The following HMCN2 variants were observed in gnomAD, a reference collection of about 807,000 sequenced individuals.
HMCN2 encodes the protein hemicentin-2.
A neutral mutation model predicts 377.5 loss-of-function variants in HMCN2; 325 were observed. The ratio of observed to expected loss-of-function variants is 0.86; its 90% CI spans 0.79 to 0.94. HMCN2 has a LOEUF of 0.94. HMCN2 is among the 40% of genes least tolerant of loss of function. The pLI is 0.00. For synonymous variants in HMCN2, 2,007 were observed against 2,046.8 expected, an observed-to-expected ratio of 0.98 and a Z score of 0.53; for missense variants, 4,543 against 4,725.3, an observed-to-expected ratio of 0.96 and a Z score of 1.13.
Position 130,391,487 on chromosome 9 carries a change from C to A in HMCN2, c.9865C>A (p.Leu3289Met). Residue 3289 changes from leucine (L) to methionine (M), a missense_variant, in exon 65 of 98, where the codon CTG becomes ATG. This residue lies in a region of HMCN2 where 1,073 missense variants were observed against 1,319.5 expected (regional missense o/e 0.81). Transcript: ENST00000683500. ...CGGCGGCTCCCTGGTGCTAAAAGGC[C>A]TGAGGGCCTCGGACGCGGGTGCCTA... Reference protein sequence around the residue: ...LDGGSLVLKGLRASDAGAYTC... With the variant: ...LDGGSLVLKGMRASDAGAYTC... 1 of 987,892 alleles carries A rather than the reference C, an allele frequency of 1.0e-6. No homozygotes were observed. Among genetic ancestry groups the A allele is most frequent in the Non-Finnish European group, 1.2e-6 (1 of 830,182 alleles). The allele number at this position is 987,892 out of a possible 1,614,324, so 61.2% of individuals were successfully genotyped here.
At chr9:130,406,328 G>A in intron 82 of HMCN2, 160 bp downstream of exon 82, 3 of 485,768 alleles carry the variant, frequency 6.2e-6, no homozygotes, top group Non-Finnish European at 1.1e-5. Flanking sequence ...GGGGGACAGG[G>A]CAAACCCAGC....
intron 16 of HMCN2, among the ~76,000 whole-genome samples, chr9:130,320,093 T>C (rs906807151): frequency 4.6e-5 from 7 of 152,190 alleles, no homozygotes; most frequent in African/African-American, 1.4e-4. Flanking sequence ...GGGCACTTTG[T>C]CAACCCTGCC....
At chr9:130,395,129 G>GGGGGCAGGGCCGGGAGGC (rs1842543519) in intron 70 of HMCN2, 21 bp downstream of exon 70, 1 of 1,260,552 alleles carries the variant, frequency 7.9e-7, no homozygotes, top group Non-Finnish European at 1.0e-6. Context: ...GGGGTGGGGT[G>GGGGGCAGGGCCGGGAGGC]GGGGCAGGGC....
intron 78 of HMCN2, 102 bp downstream of exon 78, chr9:130,402,998 C>T (rs1842927421): frequency 9.6e-7 from 1 of 1,045,296 alleles, no homozygotes; most frequent in Non-Finnish European, 1.3e-6. Flanking sequence ...CCCCGGGTCT[C>T]AGAGGCCCCG....
At chr9:130,332,738 C>T (rs1032353937) in intron 22 of HMCN2, among the ~76,000 whole-genome samples, 8 of 152,306 alleles carry the variant, frequency 5.3e-5, no homozygotes, top group South Asian at 2.1e-4. Flanking sequence ...GAAGAAGACG[C>T]GAGTTGGGGC....
At position 130,408,334 on chromosome 9, in the gene HMCN2, G is replaced by A. The variant is rs1017394421; in HGVS notation, c.12689-409G>A. The stretch of plus-strand genomic sequence containing the variant: ...CATAGCGTTGCTTTGTACAACAGAG[G>A]TGTCTAGGGTTCTTGTTTTTTTATA... On this transcript the variant is annotated intron_variant, in intron 83 of 97. Transcript: ENST00000683500. Among the ~76,000 whole-genome samples, 37 of 152,210 alleles carry A rather than the reference G, an allele frequency of 2.4e-4. 2 individuals are homozygous for A. Among genetic ancestry groups the A allele is most frequent in the African/African-American group, 8.4e-4 (35 of 41,448 alleles).
intron 15 of HMCN2, among the ~76,000 whole-genome samples, chr9:130,319,114 A>C (rs1837714989): frequency 6.6e-6 from 1 of 152,144 alleles, no homozygotes; most frequent in East Asian, 1.9e-4. Context: ...CAGGGGTAGA[A>C]ATGAAGGCTC....
At chr9:130,311,019 G>A (rs1837216965) in intron 15 of HMCN2, among the ~76,000 whole-genome samples, 3 of 152,166 alleles carry the variant, frequency 2.0e-5, no homozygotes, top group Non-Finnish European at 4.4e-5. Flanking sequence ...TTCCTTGGTG[G>A]CCAGTGCATG....
intron 83 of HMCN2, 84 bp downstream of exon 83, chr9:130,407,789 C>A: frequency 9.6e-7 from 1 of 1,036,608 alleles, no homozygotes; most frequent in Non-Finnish European, 1.2e-6. Context: ...AGAACCCAGC[C>A]TCCTGTCCTC....
rs1483638718 is a variant in HMCN2 at position 130,285,969 on chromosome 9, G to A, written c.490-219G>A. Among the ~76,000 whole-genome samples the A allele has an allele frequency of 5.9e-5, 9 of 152,264 alleles. No homozygotes were observed. The South Asian group carries it at 1.0e-3, about 18-fold the overall frequency. ...AATATGGAGCACCTACTGTTTTCCT[G>A]GCCCTGTGCTGAGCATTTGTCCTGC... On this transcript the variant is annotated intron_variant, in intron 3 of 97. Transcript: ENST00000683500.
chr9:130,322,823 A>T (rs1837927542), intron 19 of HMCN2, among the ~76,000 whole-genome samples: 1 of 152,202 alleles, frequency 6.6e-6, no homozygotes, highest in African/African-American at 2.4e-5. Flanking sequence ...GTGCTTTTTA[A>T]TGTAAGATGA....
chr9:130,380,033 G>A (rs533714839), intron 54 of HMCN2, among the ~76,000 whole-genome samples: 5 of 152,170 alleles, frequency 3.3e-5, no homozygotes, highest in South Asian at 4.2e-4. Flanking sequence ...GCGCCACCAC[G>A]CCTGGCTACT....
chr9:130,349,033 A>G lies in HMCN2; in HGVS notation c.4205A>G (p.His1402Arg), dbSNP rs1472644844. The G allele has an allele frequency of 7.7e-7, 1 of 1,304,016 alleles. No homozygotes were observed. Among genetic ancestry groups the G allele is most frequent in the African/African-American group, 1.5e-5 (1 of 65,826 alleles). The allele number at this position is 1,304,016 out of a possible 1,614,324, so 80.8% of individuals were successfully genotyped here. ...HRLLDEGQSL[H>R]FPRIQEGDSG... ...CTCCTGGACGAGGGCCAGTCCCTCC[A>G]CTTCCCCAGGATCCAGGAGGGTGAT... Residue 1402 changes from histidine (H) to arginine (R), a missense_variant, in exon 28 of 98, where the codon CAC becomes CGC. By Grantham distance (29) the His-to-Arg change is conservative. Transcript: ENST00000683500.
intron 14 of HMCN2, among the ~76,000 whole-genome samples, chr9:130,309,173 G>A (rs1046828644): frequency 6.6e-6 from 1 of 152,178 alleles, no homozygotes; most frequent in Non-Finnish European, 1.5e-5. Context: ...TTAGAATCAG[G>A]TGTGTCCATC....
intron 19 of HMCN2, 104 bp from the exon 20 acceptor site, chr9:130,325,491 G>A (rs1431463263): frequency 3.9e-5 from 6 of 152,234 alleles, no homozygotes; most frequent in Non-Finnish European, 7.3e-5. Context: ...CGCATGCTGT[G>A]TGCCCATGCA....
rs752245875 is a variant in HMCN2 at position 130,425,772 on chromosome 9, C to T, written c.13727C>T (p.Ser4576Leu). The change falls in exon 90 of 98, where the codon TCG (serine) becomes TTG (leucine). Residue 4576 changes from serine to leucine, a missense_variant. Around this residue, in one of 5 missense-constraint regions of HMCN2, gnomAD observed 1,155 missense variants for 1,157.7 expected, o/e 1.00. Transcript: ENST00000683500. ...CGCTTCTTCCAGGGCGGCCTCCCCTCGTTCCTACGCTGCAACCACAGCATC... is the reference window on the plus strand; with the variant it reads ...CGCTTCTTCCAGGGCGGCCTCCCCTTGTTCCTACGCTGCAACCACAGCATC... ...TQRFFQGGLP[S>L]FLRCNHSIQY... The T allele has an allele frequency of 2.5e-5, 38 of 1,550,504 alleles. No individual in the cohort carries two copies. In the South Asian group the frequency reaches 4.0e-4, roughly 17 times the overall value.
chr9:130,291,311 G>A (rs529546290), intron 4 of HMCN2, among the ~76,000 whole-genome samples: 6 of 152,336 alleles, frequency 3.9e-5, no homozygotes, highest in African/African-American at 1.4e-4. Flanking sequence ...CTGGGTTCAA[G>A]CAATTCCCCT....
intron 1 of HMCN2, among the ~76,000 whole-genome samples, chr9:130,278,821 T>A (rs1788073632): frequency 6.6e-6 from 1 of 151,358 alleles, no homozygotes. Context: ...CCTCAGGTGA[T>A]CCACCCGCCT....
intron 22 of HMCN2, among the ~76,000 whole-genome samples, chr9:130,331,783 G>A (rs1433536151): frequency 1.3e-5 from 2 of 152,314 alleles, no homozygotes; most frequent in East Asian, 1.9e-4. Flanking sequence ...GAGATGGGAC[G>A]GCTGTGAGCA....
Sources: gnomAD v4.1 joint callset for allele counts (sites outside exome capture counted in the v4.1 genomes callset) on GRCh38, gnomAD v4.1.1 for gene constraint, gnomAD v4.1.1 regional missense constraint, MANE v1.5 for transcripts, NCBI Gene and HGNC (gene_info 2026-07-23, HGNC 2026-07-21) for gene names.